Variants in NT5C2 observed in about 807,000 individuals in gnomAD.
NT5C2 encodes the protein cytosolic purine 5'-nucleotidase.
Under a neutral mutation model 76.1 loss-of-function variants are expected in NT5C2, and 58 were observed. The ratio of observed to expected loss-of-function variants is 0.76; its 90% CI spans 0.62 to 0.95. The LOEUF (loss-of-function observed/expected upper bound fraction) is 0.95. Among genes scored for constraint, NT5C2 ranks in the 40% least tolerant of loss-of-function variants. The probability of loss-of-function intolerance (pLI) is 0.00; values close to 1 mark genes in which losing one functional copy is unlikely to be tolerated. For missense variants in NT5C2, 478 were observed against 690.3 expected, an observed-to-expected ratio of 0.69 and a Z score of 3.45; for synonymous variants, 229 against 237.4, an observed-to-expected ratio of 0.96 and a Z score of 0.32.
At chr10:103,160,195 A>G (rs2084484007) in intron 3 of NT5C2, among the ~76,000 whole-genome samples, 1 of 152,206 alleles carries the variant, frequency 6.6e-6, no homozygotes, top group Admixed American at 6.5e-5. Context: ...GTCATGTGCA[A>G]AAAAATGAAT....
intron 4 of NT5C2, among the ~76,000 whole-genome samples, chr10:103,110,054 A>G (rs187990209): frequency 5.9e-5 from 9 of 152,288 alleles, no homozygotes; most frequent in Admixed American, 5.9e-4. Context: ...AAAATATGAT[A>G]TATCTTCCCC....
chr10:103,151,819 G>C (rs1049850590), intron 3 of NT5C2, among the ~76,000 whole-genome samples: 1 of 152,006 alleles, frequency 6.6e-6, no homozygotes, highest in Non-Finnish European at 1.5e-5. Context: ...TCTAAAGATA[G>C]CATAGAGAAT....
At chr10:103,133,651 G>A (rs935004806) in intron 4 of NT5C2, among the ~76,000 whole-genome samples, 5 of 152,236 alleles carry the variant, frequency 3.3e-5, no homozygotes, top group African/African-American at 1.2e-4. Context: ...GGTACCAGTA[G>A]AGTGGAGCAC....
At chr10:103,139,099 G>C (rs1461830354) in intron 4 of NT5C2, among the ~76,000 whole-genome samples, 1 of 152,066 alleles carries the variant, frequency 6.6e-6, no homozygotes, top group African/African-American at 2.4e-5. Flanking sequence ...ATGGCTAAGA[G>C]TAAAAGTCAA....
At chr10:103,176,978 C>A (rs1168724831) in intron 2 of NT5C2, among the ~76,000 whole-genome samples, 1 of 151,864 alleles carries the variant, frequency 6.6e-6, no homozygotes, top group Non-Finnish European at 1.5e-5. Context: ...TTTTAATGGC[C>A]AAACCTCAGA....
At chr10:103,116,355 A>G (rs959071402) in intron 4 of NT5C2, among the ~76,000 whole-genome samples, 2 of 152,186 alleles carry the variant, frequency 1.3e-5, no homozygotes, top group African/African-American at 4.8e-5. Flanking sequence ...CAAATCAGAA[A>G]GTTTTAACAT....
At chr10:103,190,546 A>G (rs954917372) in intron 1 of NT5C2, among the ~76,000 whole-genome samples, 9 of 152,188 alleles carry the variant, frequency 5.9e-5, no homozygotes, top group Non-Finnish European at 8.8e-5. Context: ...TTTAATCCAC[A>G]TAACTCTGTA....
At chr10:103,108,094 G>A (rs552217580) in intron 4 of NT5C2, among the ~76,000 whole-genome samples, 2 of 152,252 alleles carry the variant, frequency 1.3e-5, no homozygotes, top group Admixed American at 1.3e-4. Flanking sequence ...GGTGGAGGCT[G>A]CAGTGAGCCG....
rs1233387773 is a variant in NT5C2, at chr10:103,192,524, A to ATT, written c.-169+711_-169+712insAA. 2.6e-5 allele frequency among the ~76,000 whole-genome samples: 4 copies of ATT among 152,198 alleles called. No individual in the cohort carries two copies. The East Asian group carries it at 7.7e-4, about 29-fold the overall frequency. On this transcript the variant is annotated intron_variant, in intron 1 of 18. Transcript: ENST00000404739. ...TCTCCGATTTCAGGAGCCCCGAAAAAAGGAGAAGAATAGGCCGCCACTGAA... is the reference window on the plus strand; with the variant it reads ...TCTCCGATTTCAGGAGCCCCGAAAAATTAGGAGAAGAATAGGCCGCCACTGAA...
intron 3 of NT5C2, among the ~76,000 whole-genome samples, chr10:103,155,328 CTTTA>C (rs764635173): frequency 3.9e-5 from 6 of 152,146 alleles, no homozygotes; most frequent in East Asian, 1.9e-4. Context: ...GTGCTAAGCT[CTTTA>C]TTTATTACCT....
At chr10:103,126,806 G>A (rs772816845) in intron 4 of NT5C2, among the ~76,000 whole-genome samples, 1 of 152,002 alleles carries the variant, frequency 6.6e-6, no homozygotes, top group Non-Finnish European at 1.5e-5. Flanking sequence ...ACTTATATGC[G>A]GATTTTTTAT....
chr10:103,186,433 CG>C (rs1382172869), intron 1 of NT5C2, among the ~76,000 whole-genome samples: 1 of 152,188 alleles, frequency 6.6e-6, no homozygotes, highest in African/African-American at 2.4e-5. Context: ...GCGTCCATTA[CG>C]TATCAGAGGC....
intron 4 of NT5C2, among the ~76,000 whole-genome samples, chr10:103,126,196 G>T (rs776236040): frequency 6.6e-6 from 1 of 152,164 alleles, no homozygotes; most frequent in Non-Finnish European, 1.5e-5. Flanking sequence ...AAAGGGAAAA[G>T]AAAAACACAT....
In NT5C2 at chr10:103,172,171, CT is replaced by C. The variant is rs1259032112; in HGVS notation, c.101+2686del. On this transcript the variant is annotated intron_variant, in intron 3 of 18. Transcript: ENST00000404739. ...GTTGCAGTGAGCTGAGACCGCGCCA[CT>C]GTACTGAGAGACAAGAGCAAAGACT... Among the ~76,000 whole-genome samples, 3 of 151,586 alleles carry C rather than the reference CT, an allele frequency of 2.0e-5. No individual in the cohort carries two copies. In the East Asian group the frequency reaches 5.8e-4, roughly 29 times the overall value.
At chr10:103,095,653 T>G (rs1346486860) in intron 12 of NT5C2, among the ~76,000 whole-genome samples, 1 of 152,232 alleles carries the variant, frequency 6.6e-6, no homozygotes, top group Non-Finnish European at 1.5e-5. Flanking sequence ...GCATAGAACT[T>G]CTTGGGCATA....
At chr10:103,129,144 G>A (rs541221077) in intron 4 of NT5C2, among the ~76,000 whole-genome samples, 7 of 109,834 alleles carry the variant, frequency 6.4e-5, no homozygotes, top group East Asian at 6.8e-4. Context: ...CCCCCCGCCC[G>A]GCCAGCCGCC....
At chr10:103,150,252 G>A (rs2082175023) in intron 3 of NT5C2, among the ~76,000 whole-genome samples, 2 of 152,142 alleles carry the variant, frequency 1.3e-5, no homozygotes, top group Non-Finnish European at 2.9e-5. Flanking sequence ...GCTACCACTA[G>A]TACTTTCTGT....
At chr10:103,184,545 T>C (rs1368339233) in intron 1 of NT5C2, among the ~76,000 whole-genome samples, 1 of 152,234 alleles carries the variant, frequency 6.6e-6, no homozygotes, top group Non-Finnish European at 1.5e-5. Flanking sequence ...GAGTGTTTTA[T>C]TTGCTGCTGT....
intron 8 of NT5C2, 40 bp from the exon 9 acceptor site, chr10:103,100,059 C>T: frequency 7.4e-7 from 1 of 1,356,450 alleles, no homozygotes; most frequent in Non-Finnish European, 1.1e-6. Flanking sequence ...GGATCCAAAA[C>T]AGGGTAAACA....
Sources: gnomAD v4.1 joint callset for allele counts (sites outside exome capture counted in the v4.1 genomes callset) on GRCh38, gnomAD v4.1.1 for gene constraint, MANE v1.5 for transcripts, NCBI Gene and HGNC (gene_info 2026-07-23, HGNC 2026-07-21) for gene names.